RNF13: variants seen among roughly 807,000 people sequenced by gnomAD.
RNF13 encodes the protein ring finger protein 13, also known as E3 ubiquitin-protein ligase RNF13.
RNF13 carries 19 observed loss-of-function variants against 37.7 expected under a neutral mutation model. That is an observed-to-expected ratio of 0.50 (90% CI 0.35 to 0.74). RNF13 has a LOEUF of 0.74. Ranked by LOEUF, RNF13 falls within the 30% of genes least tolerant of loss-of-function variation. The pLI is 0.01. For missense variants in RNF13, 375 were observed against 453.0 expected, an observed-to-expected ratio of 0.83 and a Z score of 1.56; for synonymous variants, 144 against 157.8, an observed-to-expected ratio of 0.91 and a Z score of 0.65.
chr3:149,877,521 G>A (rs1179517047), intron 4 of RNF13, among the ~76,000 whole-genome samples: 5 of 123,230 alleles, frequency 4.1e-5, no homozygotes, highest in African/African-American at 1.6e-4. Context: ...TCAGAAAGTA[G>A]CCCTCTAGTT....
intron 1 of RNF13, among the ~76,000 whole-genome samples, chr3:149,814,994 T>C (rs1719281419): frequency 6.6e-6 from 1 of 152,144 alleles, no homozygotes; most frequent in Non-Finnish European, 1.5e-5. Context: ...CTTGTCTCTA[T>C]GTGTAATGCA....
intron 8 of RNF13, among the ~76,000 whole-genome samples, chr3:149,949,388 G>A (rs1721087244): frequency 6.7e-6 from 1 of 149,806 alleles, no homozygotes. Flanking sequence ...TGCTAAGTCT[G>A]CTGAGAATCT....
At chr3:149,935,763 G>C (rs755949047) in intron 8 of RNF13, among the ~76,000 whole-genome samples, 1 of 151,952 alleles carries the variant, frequency 6.6e-6, no homozygotes, top group Non-Finnish European at 1.5e-5. Flanking sequence ...TTTTTACTTT[G>C]GTAGATTTAG....
chr3:149,862,754 G>A (rs1468691293), intron 3 of RNF13, among the ~76,000 whole-genome samples: 2 of 151,838 alleles, frequency 1.3e-5, no homozygotes, highest in Non-Finnish European at 2.9e-5. Context: ...ATTATAACTA[G>A]ATGCCAATTC....
chr3:149,925,677 G>T (rs80306888), intron 8 of RNF13, among the ~76,000 whole-genome samples: 4,197 of 150,984 alleles, frequency 0.028, 189 homozygotes, highest in African/African-American at 0.096. Flanking sequence ...GAATATACTT[G>T]TACATATATC....
At chr3:149,939,972 A>C (rs1720092901) in intron 8 of RNF13, among the ~76,000 whole-genome samples, 1 of 152,150 alleles carries the variant, frequency 6.6e-6, no homozygotes, top group Admixed American at 6.5e-5. Context: ...ATCCACTCTG[A>C]CAATCTTTTG....
Position 149,860,270 on chromosome 3 carries a change from AATATAT to A in RNF13, c.195+7700_195+7705del, listed in dbSNP as rs1186058605. Among the ~76,000 whole-genome samples, 228 of 103,978 alleles carry A rather than the reference AATATAT, an allele frequency of 2.2e-3. 5 individuals are homozygous for A. Among genetic ancestry groups the A allele is most frequent in the Middle Eastern group, 0.015 (3 of 200 alleles). 68.2% of individuals were successfully genotyped at this position (103,978 alleles called of 152,430 possible). A position where few individuals can be genotyped will look rare whatever the true frequency, so the allele number is the denominator to read the frequency against. On this transcript the variant is annotated intron_variant, in intron 3 of 9. Coordinates refer to ENST00000392894, the MANE Select transcript of RNF13 (RefSeq NM_183381.3). ...GAGACTCCATCTAAAAAAAAAAAAA[AATATAT>A]ATATATATATATATATATATATATA... is the stretch of plus-strand genomic sequence containing the variant.
intron 1 of RNF13, among the ~76,000 whole-genome samples, chr3:149,823,155 A>G (rs1352552346): frequency 2.0e-5 from 3 of 152,096 alleles, no homozygotes; most frequent in Non-Finnish European, 4.4e-5. Context: ...AAACACTTAA[A>G]AATAAGAGGA....
At chr3:149,936,218 C>G (rs1352307748) in intron 8 of RNF13, among the ~76,000 whole-genome samples, 1 of 151,970 alleles carries the variant, frequency 6.6e-6, no homozygotes, top group African/African-American at 2.4e-5. Context: ...GATAGTCTTA[C>G]TGGAGTTTAA....
At chr3:149,912,420 TACATTTC>T (rs1717086753) in intron 7 of RNF13, among the ~76,000 whole-genome samples, 2 of 152,168 alleles carry the variant, frequency 1.3e-5, no homozygotes, top group African/African-American at 4.8e-5. Flanking sequence ...AATTGTGTTG[TACATTTC>T]ATTATATGTA....
chr3:149,857,870 T>A (rs948026174), intron 3 of RNF13, among the ~76,000 whole-genome samples: 1 of 152,166 alleles, frequency 6.6e-6, no homozygotes, highest in Non-Finnish European at 1.5e-5. Context: ...GGTTTTTTTG[T>A]CCCCACCAAA....
Position 149,961,528 on chromosome 3 carries a change from G to A in RNF13, c.*424G>A. 1 of 326,564 alleles carries A rather than the reference G, an allele frequency of 3.1e-6. No individual in the cohort carries two copies. The highest frequency in any genetic ancestry group is 5.9e-6 in the Non-Finnish European group (1 of 168,262). 20.2% of individuals were successfully genotyped at this position (326,564 alleles called of 1,614,324 possible). ...AGTTGTTGAGTTGGAATATGTTCTG[G>A]CATTTACCTGACCTGCCAATCATTA... is the stretch of plus-strand genomic sequence containing the variant. On this transcript the variant is annotated 3_prime_UTR_variant, in exon 10 of 10. Coordinates refer to ENST00000392894, the MANE Select transcript of RNF13 (RefSeq NM_183381.3).
At chr3:149,868,313 A>G (rs996062660) in intron 3 of RNF13, among the ~76,000 whole-genome samples, 4 of 150,488 alleles carry the variant, frequency 2.7e-5, no homozygotes, top group African/African-American at 9.7e-5. Flanking sequence ...ACCTTCAACT[A>G]TTTTTTTTTA....
intron 4 of RNF13, among the ~76,000 whole-genome samples, chr3:149,877,447 T>C (rs1314714798): frequency 6.6e-6 from 1 of 150,530 alleles, no homozygotes; most frequent in East Asian, 1.9e-4. Flanking sequence ...TTTGATCATA[T>C]CATAATAACT....
chr3:149,872,961 A>G (rs1243564929), intron 4 of RNF13, among the ~76,000 whole-genome samples: 3 of 152,250 alleles, frequency 2.0e-5, no homozygotes, highest in Non-Finnish European at 4.4e-5. Flanking sequence ...TATAAATGAT[A>G]GTTATTGTTA....
intron 3 of RNF13, among the ~76,000 whole-genome samples, chr3:149,853,568 A>G (rs1016792928): frequency 1.3e-5 from 2 of 151,792 alleles, no homozygotes; most frequent in Non-Finnish European, 2.9e-5. Flanking sequence ...AGAGTTCTTT[A>G]TATATTGGAA....
chr3:149,862,479 A>C (rs1410257432), intron 3 of RNF13, among the ~76,000 whole-genome samples: 1 of 152,102 alleles, frequency 6.6e-6, no homozygotes, highest in Admixed American at 6.5e-5. Context: ...TATAAAACAT[A>C]CATATATATA....
chr3:149,832,553 A>AT (rs1194753570), intron 1 of RNF13, among the ~76,000 whole-genome samples: 2 of 152,132 alleles, frequency 1.3e-5, no homozygotes, highest in African/African-American at 4.8e-5. Flanking sequence ...CAGTTTGCTC[A>AT]TTTTCTCAAA....
chr3:149,898,909 C>T (rs1002343190), intron 5 of RNF13, among the ~76,000 whole-genome samples: 1 of 152,134 alleles, frequency 6.6e-6, no homozygotes, highest in African/African-American at 2.4e-5. Flanking sequence ...GCAATTTGAG[C>T]ACCGATCTAA....
Sources: gnomAD v4.1 joint callset for allele counts (sites outside exome capture counted in the v4.1 genomes callset) on GRCh38, gnomAD v4.1.1 for gene constraint, MANE v1.5 for transcripts, NCBI Gene and HGNC (gene_info 2026-07-23, HGNC 2026-07-21) for gene names.